Variants in CEP120 observed in about 807,000 individuals in gnomAD.
CEP120 encodes centrosomal protein of 120 kDa.
In CEP120, 113 loss-of-function variants were observed where a neutral mutation model predicts 126.5. That is an observed-to-expected ratio of 0.89 (90% CI 0.77 to 1.04). The LOEUF is 1.04. Ranked by LOEUF, CEP120 falls within the 50% of genes least tolerant of loss-of-function variation. The pLI is 0.00. For missense variants in CEP120, 1,230 were observed against 1,155.7 expected (o/e 1.06, Z -0.93); for synonymous variants, 400 against 394.3 (o/e 1.01, Z -0.17).
Position 123,419,347 on chromosome 5 carries a change from G to A in CEP120, c.50-832C>T, listed in dbSNP as rs183629960. Among the ~76,000 whole-genome samples, 493 of 152,198 alleles carry A rather than the reference G, an allele frequency of 3.2e-3. 2 individuals are homozygous for A. Among genetic ancestry groups the A allele is most frequent in the Middle Eastern group, 6.8e-3 (2 of 294 alleles). ...GCAGCTTAATTTTTCTGTTAACTCA[G>A]TTAAGAATACTTTCCTGGTGAAACC... On this transcript the variant is annotated intron_variant, in intron 1 of 19. Coordinates refer to ENST00000306467, the MANE Select transcript of CEP120 (RefSeq NM_001375405.1).
Position 123,406,058 on chromosome 5 carries a change from TGA to T in CEP120, c.463+6339_463+6340del, listed in dbSNP as rs747395366. ...AGAGACAAAAATACTAAAACAGAAA[TGA>T]ATGACTATGAGAATTGGTTCATTAG... On this transcript the variant is annotated intron_variant, in intron 4 of 19. Transcript: ENST00000306467. Among the ~76,000 whole-genome samples the T allele has an allele frequency of 4.9e-3, 741 of 151,588 alleles. 7 individuals carry two copies. The highest frequency in any genetic ancestry group is 0.019 in the South Asian group (89 of 4,794).
intron 10 of CEP120, among the ~76,000 whole-genome samples, chr5:123,385,679 T>C (rs1039904519): frequency 6.6e-6 from 1 of 151,572 alleles, no homozygotes; most frequent in African/African-American, 2.4e-5. Context: ...TGCAATGGCA[T>C]AATCACAACT....
intron 17 of CEP120, among the ~76,000 whole-genome samples, chr5:123,364,995 C>T (rs968129465): frequency 6.6e-6 from 1 of 151,446 alleles, no homozygotes; most frequent in East Asian, 1.9e-4. Flanking sequence ...TTTTTGGAGG[C>T]CTATCTTCAT....
At chr5:123,413,567 C>T (rs771162947) in intron 3 of CEP120, among the ~76,000 whole-genome samples, 56 of 152,010 alleles carry the variant, frequency 3.7e-4, no homozygotes, top group Non-Finnish European at 6.3e-4. Flanking sequence ...AGTGGGAATA[C>T]CATTTCAATA....
intron 5 of CEP120, among the ~76,000 whole-genome samples, chr5:123,393,927 A>G (rs1716131841): frequency 6.6e-6 from 1 of 152,260 alleles, no homozygotes; most frequent in Non-Finnish European, 1.5e-5. Context: ...TATCTAACAT[A>G]TAACATCTTA....
chr5:123,387,589 TA>T (rs756840227), intron 9 of CEP120, among the ~76,000 whole-genome samples: 34 of 152,222 alleles, frequency 2.2e-4, no homozygotes, highest in Non-Finnish European at 4.3e-4. Context: ...CCAGCATTTT[TA>T]AAGTGCCTTA....
intron 4 of CEP120, among the ~76,000 whole-genome samples, chr5:123,407,137 T>C (rs1302582816): frequency 2.1e-5 from 3 of 146,118 alleles, no homozygotes; most frequent in Non-Finnish European, 4.5e-5. Context: ...CAAAAAAGTA[T>C]AACTGATATG....
rs755816829 is a variant in CEP120 at position 123,364,596 on chromosome 5, T to TAACA, written c.2482-6_2482-3dup. 8 of 1,572,016 alleles carry TAACA rather than the reference T, an allele frequency of 5.1e-6. No individual in the cohort carries two copies. In the South Asian group the frequency reaches 9.0e-5, roughly 18 times the overall value. ...TTCCAACTTTCTTTCAAGTTCAACC[T>TAACA]AACAGTGATTAAAATCATATCAAGT... is the stretch of plus-strand genomic sequence containing the variant. On this transcript the variant is annotated splice_polypyrimidine_tract_variant and splice_region_variant and intron_variant, in intron 17 of 19. Transcript: ENST00000306467.
intron 18 of CEP120, among the ~76,000 whole-genome samples, chr5:123,351,822 C>G (rs1769216934): frequency 6.6e-6 from 1 of 152,094 alleles, no homozygotes; most frequent in Non-Finnish European, 1.5e-5. Flanking sequence ...CTTGTGGTGT[C>G]CTGTCAGGGC....
At chr5:123,407,378 A>C (rs1296863452) in intron 4 of CEP120, among the ~76,000 whole-genome samples, 1 of 152,170 alleles carries the variant, frequency 6.6e-6, no homozygotes, top group Non-Finnish European at 1.5e-5. Context: ...ACCCACTTTA[A>C]ATATAAAAAC....
intron 5 of CEP120, among the ~76,000 whole-genome samples, chr5:123,395,989 CTTTT>C (rs67492630): frequency 2.3e-5 from 3 of 129,984 alleles, no homozygotes; most frequent in Non-Finnish European, 3.2e-5. Context: ...GTCTCCATTC[CTTTT>C]TTTTTTTTTT....
intron 2 of CEP120, among the ~76,000 whole-genome samples, chr5:123,417,333 T>C (rs1485812963): frequency 1.3e-5 from 2 of 152,318 alleles, no homozygotes; most frequent in East Asian, 1.9e-4. Flanking sequence ...AATTTAGTAC[T>C]GAGAACAAGC....
At chr5:123,358,945 A>G (rs1045267524) in intron 18 of CEP120, among the ~76,000 whole-genome samples, 1 of 152,124 alleles carries the variant, frequency 6.6e-6, no homozygotes, top group Non-Finnish European at 1.5e-5. Flanking sequence ...AAGGAACTCA[A>G]GTAAAGTTTT....
intron 16 of CEP120, among the ~76,000 whole-genome samples, 160 bp from the exon 17 acceptor site, chr5:123,372,932 TAATTAAA>T (rs1770951787): frequency 6.6e-6 from 1 of 152,100 alleles, no homozygotes; most frequent in Non-Finnish European, 1.5e-5. Context: ...AGATCCTTAG[TAATTAAA>T]AATTCAGTAA....
At chr5:123,382,913 A>T (rs1160422488) in intron 12 of CEP120, 24 bp from the exon 13 acceptor site, 1 of 1,611,250 alleles carries the variant, frequency 6.2e-7, no homozygotes, top group Admixed American at 1.7e-5. Flanking sequence ...CAAAAAGTAC[A>T]TTTAAACACT....
At chr5:123,381,125 C>A (rs9327294) in intron 14 of CEP120, among the ~76,000 whole-genome samples, 108,077 of 152,034 alleles carry the variant, frequency 0.71, 38,562 homozygotes, top group African/African-American at 0.74. Flanking sequence ...ATAAACACAA[C>A]TTAAACAACA....
intron 5 of CEP120, among the ~76,000 whole-genome samples, chr5:123,395,697 T>C (rs1234782742): frequency 2.7e-5 from 4 of 150,754 alleles, no homozygotes; most frequent in African/African-American, 4.9e-5. Flanking sequence ...TTTTTTTTTT[T>C]TTGAGACAGA....
intron 14 of CEP120, 118 bp from the exon 15 acceptor site, chr5:123,378,546 G>T: frequency 2.0e-6 from 1 of 509,942 alleles, no homozygotes; most frequent in Non-Finnish European, 3.3e-6. Context: ...GAATAGGAAA[G>T]TCACAAATTA....
intron 18 of CEP120, among the ~76,000 whole-genome samples, chr5:123,359,588 C>A (rs528885551): frequency 6.6e-6 from 1 of 152,078 alleles, no homozygotes; most frequent in African/African-American, 2.4e-5. Context: ...TTACCTCTTA[C>A]AAGTCTAACA....
Sources: allele counts gnomAD v4.1 joint callset (sites outside exome capture counted in the v4.1 genomes callset), GRCh38; gene constraint gnomAD v4.1.1; transcripts MANE v1.5; gene names NCBI Gene and HGNC (gene_info 2026-07-23, HGNC 2026-07-21).